The following THSD1 variants were observed in gnomAD, a reference collection of about 807,000 sequenced individuals.
THSD1 encodes thrombospondin type 1 domain containing 1, also known as thrombospondin type-1 domain-containing protein 1.
In THSD1, 34 loss-of-function variants were observed where a neutral mutation model predicts 46.3. The observed-to-expected ratio is 0.74, with a 90% CI of 0.56 to 0.98. The LOEUF (loss-of-function observed/expected upper bound fraction) is 0.98, where lower values mean the gene tolerates loss of function less well. Among genes scored for constraint, THSD1 ranks in the 50% least tolerant of loss-of-function variants. THSD1 has a pLI of 0.00. For missense variants in THSD1, 1,023 were observed against 1,058.3 expected (o/e 0.97, Z 0.46); for synonymous variants, 407 against 416.5 (o/e 0.98, Z 0.28).
intron 2 of THSD1, among the ~76,000 whole-genome samples, chr13:52,402,314 T>G (rs1957870153): frequency 6.6e-6 from 1 of 152,190 alleles, no homozygotes; most frequent in African/African-American, 2.4e-5. Context: ...AGAGAGTTGG[T>G]TTTTTTATTT....
rs1026659538 is a variant in THSD1 at position 52,386,324 on chromosome 13, G to A, written c.1022-138C>T. On this transcript the variant is annotated intron_variant, in intron 3 of 4. Transcript: ENST00000258613. ...TAAAGCGTTCCCAGAGATGAAGAAA[G>A]CTGAAAAGAGTTGCTCCTAACTTTA... The A allele has an allele frequency of 3.1e-5, 26 of 829,718 alleles. No homozygotes were observed. The East Asian group carries it at 6.2e-4, about 20-fold the overall frequency. The allele number at this position is 829,718 out of a possible 1,614,324, so 51.4% of individuals were successfully genotyped here. A position where few individuals can be genotyped will look rare whatever the true frequency, so the allele number is the denominator to read the frequency against.
At chr13:52,379,049 G>C (rs1957671169) in intron 4 of THSD1, among the ~76,000 whole-genome samples, 1 of 151,764 alleles carries the variant, frequency 6.6e-6, no homozygotes, top group Non-Finnish European at 1.5e-5. Flanking sequence ...ATTTTTAGTA[G>C]AGCTGGGGTT....
At chr13:52,380,953 A>G (rs1256369762) in intron 4 of THSD1, among the ~76,000 whole-genome samples, 3 of 151,974 alleles carry the variant, frequency 2.0e-5, no homozygotes, top group Non-Finnish European at 4.4e-5. Context: ...CTCCCTCACT[A>G]TGCCAGAGCT....
chr13:52,405,140 C>T (rs994503597), intron 1 of THSD1, among the ~76,000 whole-genome samples: 1 of 152,154 alleles, frequency 6.6e-6, no homozygotes, highest in Admixed American at 6.5e-5. Context: ...TTCTACCTAG[C>T]ATTCTTGTAT....
At chr13:52,385,986 A>G in intron 4 of THSD1, 42 bp downstream of exon 4, 1 of 1,589,752 alleles carries the variant, frequency 6.3e-7, no homozygotes, top group Non-Finnish European at 8.6e-7. Context: ...CTTCTGATGA[A>G]GGCTCTGAGG....
intron 2 of THSD1, among the ~76,000 whole-genome samples, chr13:52,399,491 T>C (rs1422074626): frequency 6.6e-6 from 1 of 152,206 alleles, no homozygotes; most frequent in Non-Finnish European, 1.5e-5. Flanking sequence ...TGTGTTTTTT[T>C]GTTTGGGGTT....
Position 52,398,132 on chromosome 13 carries a change from T to C in THSD1, c.121A>G (p.Thr41Ala). 6.2e-7 allele frequency: 1 copy of C among 1,614,230 alleles called. No individual in the cohort carries two copies. Among genetic ancestry groups the C allele is most frequent in the Non-Finnish European group, 8.5e-7 (1 of 1,180,036 alleles). ...EPGHVALSNDTVYVDFQYFDG... is the reference protein window; with the variant it reads ...EPGHVALSNDAVYVDFQYFDG... The stretch of plus-strand genomic sequence containing the variant: ...AAATACTGGAAATCCACATACACTG[T>C]GTCGTTGCTTAGTGCTACATGGCCT... The change falls in exon 3 of 5, where the codon ACA becomes GCA. Residue 41 changes from threonine to alanine, a missense_variant. Thr to Ala is a moderately conservative substitution (Grantham distance 58). Coordinates refer to ENST00000258613, the MANE Select transcript of THSD1 (RefSeq NM_018676.4).
At chr13:52,395,110 A>G (rs1269938243) in intron 3 of THSD1, among the ~76,000 whole-genome samples, 2 of 152,162 alleles carry the variant, frequency 1.3e-5, no homozygotes, top group Admixed American at 6.5e-5. Context: ...GGTTTTATGG[A>G]TTTGCATCCT....
chr13:52,402,473 C>G, intron 2 of THSD1, 70 bp downstream of exon 2: 1 of 1,465,658 alleles, frequency 6.8e-7, no homozygotes, highest in Non-Finnish European at 9.5e-7. Flanking sequence ...TCATCAACAT[C>G]AATGCATTTA....
chr13:52,393,600 G>A (rs1305553165), intron 3 of THSD1, among the ~76,000 whole-genome samples: 1 of 152,194 alleles, frequency 6.6e-6, no homozygotes, highest in Non-Finnish European at 1.5e-5. Flanking sequence ...GGCAGGTGCA[G>A]TGAGCCCAGA....
chr13:52,396,278 C>G (rs981635556), intron 3 of THSD1, among the ~76,000 whole-genome samples: 1 of 152,140 alleles, frequency 6.6e-6, no homozygotes, highest in Admixed American at 6.5e-5. Context: ...AATCCCAGCA[C>G]TTTGGGAGGC....
In THSD1 at chr13:52,378,300, C is replaced by T. The variant is rs1277180318; in HGVS notation, c.1670G>A (p.Ser557Asn). The T allele has an allele frequency of 6.2e-7, 1 of 1,614,222 alleles. No individual in the cohort carries two copies. Among genetic ancestry groups the T allele is most frequent in the Admixed American group, 1.7e-5 (1 of 60,032 alleles). Residue 557 changes from serine to asparagine, a missense_variant, in exon 5 of 5, where the codon AGT (serine) becomes AAT (asparagine). Physicochemically the swap from Ser to Asn is conservative, Grantham distance 46. Coordinates refer to ENST00000258613, the MANE Select transcript of THSD1 (RefSeq NM_018676.4). ...ETTKVYHVSQ[S>N]PLTDTAIDAA... ...ATCAATGGCAGTGTCTGTCAGGGGA[C>T]TCTGAGACACGTGATACACTTTGGT...
In THSD1 at chr13:52,406,118, C is replaced by T. The variant is rs1198995613; in HGVS notation, c.-169G>A. ...GCTCAGGGGCGGCGAGGTAGAGCGC[C>T]AAGCATCCCGCGTCCCAGACTGCAC... On this transcript the variant is annotated 5_prime_UTR_variant, in exon 1 of 5. Transcript: ENST00000258613. 1.3e-5 allele frequency: 2 copies of T among 152,330 alleles called. No homozygotes were observed. The highest frequency in any genetic ancestry group is 4.8e-5 in the African/African-American group (2 of 41,576). 9.4% of individuals were successfully genotyped at this position (152,330 alleles called of 1,614,324 possible).
chr13:52,398,038 A>G lies in THSD1; in HGVS notation c.215T>C (p.Val72Ala). ...LLLEANTNQT[V>A]TTKYLLTNQS... ...GTTGGTCAGGAGGTACTTGGTAGTT[A>G]CAGTCTGATTGGTGTTGGCCTCCAA... The change falls in exon 3 of 5, where the codon GTA becomes GCA. Residue 72 changes from valine to alanine, a missense_variant. Val to Ala is a moderately conservative substitution (Grantham distance 64). Coordinates refer to ENST00000258613, the MANE Select transcript of THSD1 (RefSeq NM_018676.4). 6.2e-7 allele frequency: 1 copy of G among 1,614,232 alleles called. No individual in the cohort carries two copies.
At chr13:52,403,107 A>G (rs1340493075) in intron 1 of THSD1, among the ~76,000 whole-genome samples, 1 of 152,196 alleles carries the variant, frequency 6.6e-6, no homozygotes, top group African/African-American at 2.4e-5. Context: ...TGCTGTGTAT[A>G]CCCAAATGCT....
rs368099101 is a variant in THSD1 at position 52,378,009 on chromosome 13, G to A, written c.1961C>T (p.Ala654Val). 2 of 1,614,098 alleles carry A rather than the reference G, an allele frequency of 1.2e-6. No individual in the cohort carries two copies. The highest frequency in any genetic ancestry group is 1.7e-6 in the Non-Finnish European group (2 of 1,180,036). The stretch of plus-strand genomic sequence containing the variant: ...GGCCTGCCTGGCTTCATGGAAACTC[G>A]CTGTCCTCCTGAAATGGGCGTTCCT... ...HARNAHFRRT[A>V]SFHEARQARP... Residue 654 changes from alanine to valine, a missense_variant, in exon 5 of 5, where the codon GCG becomes GTG. By Grantham distance (64) the Ala-to-Val change is moderately conservative. Coordinates refer to ENST00000258613, the MANE Select transcript of THSD1 (RefSeq NM_018676.4).
intron 2 of THSD1, chr13:52,400,096 TAAAAA>T (rs57788028): frequency 1.5e-5 from 2 of 137,486 alleles, no homozygotes; most frequent in Admixed American, 7.4e-5. Context: ...TTGACTGGCT[TAAAAA>T]AAAAAAAAAA....
At chr13:52,403,927 C>T (rs1016349520) in intron 1 of THSD1, among the ~76,000 whole-genome samples, 2 of 150,406 alleles carry the variant, frequency 1.3e-5, no homozygotes, top group African/African-American at 4.9e-5. Context: ...AAGGTCCCCC[C>T]CATTATTCAC....
rs1036172337 is a variant in THSD1, at chr13:52,406,138, C to T, written c.-189G>A. On this transcript the variant is annotated 5_prime_UTR_variant, in exon 1 of 5. Coordinates refer to ENST00000258613, the MANE Select transcript of THSD1 (RefSeq NM_018676.4). ...AGCGCCAAGCATCCCGCGTCCCAGACTGCACGCCCTGACCCCGCGGCGTTC... is the reference window on the plus strand; with the variant it reads ...AGCGCCAAGCATCCCGCGTCCCAGATTGCACGCCCTGACCCCGCGGCGTTC... 2 of 152,222 alleles carry T rather than the reference C, an allele frequency of 1.3e-5. No individual in the cohort carries two copies. Among genetic ancestry groups the T allele is most frequent in the African/African-American group, 4.8e-5 (2 of 41,472 alleles). The allele number at this position is 152,222 out of a possible 1,614,324, so 9.4% of individuals were successfully genotyped here.
Sources: allele counts gnomAD v4.1 joint callset (sites outside exome capture counted in the v4.1 genomes callset), GRCh38; gene constraint gnomAD v4.1.1; transcripts MANE v1.5; gene names NCBI Gene and HGNC (gene_info 2026-07-23, HGNC 2026-07-21).